PTPRU: variants seen among roughly 807,000 people sequenced by gnomAD.
PTPRU encodes the protein receptor-type tyrosine-protein phosphatase U.
PTPRU carries 69 observed loss-of-function variants against 166.3 expected under a neutral mutation model. The ratio of observed to expected loss-of-function variants is 0.41; its 90% CI spans 0.34 to 0.51. PTPRU has a LOEUF of 0.51. PTPRU is among the 20% of genes least tolerant of loss of function. PTPRU has a pLI of 0.09. For missense variants in PTPRU, 1,657 were observed against 2,013.7 expected (o/e 0.82, Z 3.39); for synonymous variants, 793 against 814.0 (o/e 0.97, Z 0.44).
chr1:29,305,711 C>A, intron 18 of PTPRU: 1 of 591,222 alleles, frequency 1.7e-6, no homozygotes, highest in South Asian at 1.5e-5. Flanking sequence ...GTGAGGAAGG[C>A]GGGAGGCATG....
chr1:29,240,826 G>A (rs1684018278), intron 1 of PTPRU, among the ~76,000 whole-genome samples: 2 of 149,818 alleles, frequency 1.3e-5, no homozygotes, highest in Admixed American at 1.3e-4. Flanking sequence ...TGTTAGGAGA[G>A]GGAGGGAAGC....
Position 29,326,289 on chromosome 1 carries a change from C to A in PTPRU, c.*628C>A. 5.9e-6 allele frequency: 1 copy of A among 168,274 alleles called. No individual in the cohort carries two copies. The allele number at this position is 168,274 out of a possible 1,614,324, so 10.4% of individuals were successfully genotyped here. A position where few individuals can be genotyped will look rare whatever the true frequency, so the allele number is the denominator to read the frequency against. ...TCACTATCCCTCCCCACTTGCTTCC[C>A]TGATATGTGCTCTGAGCTTCCCTGA... On this transcript the variant is annotated 3_prime_UTR_variant, in exon 30 of 30. Coordinates refer to ENST00000373779, the MANE Select transcript of PTPRU (RefSeq NM_133178.4).
In PTPRU at chr1:29,260,848, A is replaced by G. The variant is rs762826676; in HGVS notation, c.1089A>G (p.Gly363=). 1.9e-6 allele frequency: 3 copies of G among 1,607,502 alleles called. No individual in the cohort carries two copies. The highest frequency in any genetic ancestry group is 2.5e-6 in the Non-Finnish European group (3 of 1,177,992). The change falls in exon 7 of 30, where the codon GGA becomes GGG. Residue 363 remains glycine, a synonymous_variant. Transcript: ENST00000373779. The surrounding 1 kb of genome is among the most constrained non-coding windows in gnomAD (Gnocchi z 8.3). ...TCAGCGTGCTGCTCACGCGTCCCGGAGACGGCGGCACTGGCCGCCCTGGGC... is the reference window on the plus strand; with the variant it reads ...TCAGCGTGCTGCTCACGCGTCCCGGGGACGGCGGCACTGGCCGCCCTGGGC... ...YEISVLLTRP[G]DGGTGRPGPP... is the part of the protein sequence containing the mutation.
chr1:29,291,943 G>T lies in PTPRU; in HGVS notation c.2393G>T (p.Arg798Leu). 3 of 1,614,138 alleles carry T rather than the reference G, an allele frequency of 1.9e-6. No homozygotes were observed. Among genetic ancestry groups the T allele is most frequent in the Non-Finnish European group, 2.5e-6 (3 of 1,180,040 alleles). Reference sequence around the variant, plus strand: ...ACACACATGATGAGCGCCGTGGACCGCAGCTTCACAGACCAGAGCACCCTG... The same window carrying T: ...ACACACATGATGAGCGCCGTGGACCTCAGCTTCACAGACCAGAGCACCCTG... ...EKTHMMSAVD[R>L]SFTDQSTLQE... Residue 798 changes from arginine to leucine, a missense_variant, in exon 15 of 30, where the codon CGC (arginine) becomes CTC (leucine). Arg to Leu is a moderately radical substitution (Grantham distance 102). This residue lies in a region of PTPRU where 1,190 missense variants were observed against 1,477.4 expected (regional missense o/e 0.81). Transcript: ENST00000373779. This position sits in a 1 kb window ranked among gnomAD's most constrained non-coding sequence, Gnocchi z 4.1.
chr1:29,298,216 C>CCACTG (rs1686977019), intron 15 of PTPRU, among the ~76,000 whole-genome samples: 1 of 151,430 alleles, frequency 6.6e-6, no homozygotes, highest in Admixed American at 6.6e-5. Flanking sequence ...CGAGATCACT[C>CCACTG]CACTGCACTG....
At chr1:29,248,260 G>T (rs189693806) in intron 1 of PTPRU, among the ~76,000 whole-genome samples, 50 of 152,274 alleles carry the variant, frequency 3.3e-4, no homozygotes, top group African/African-American at 1.1e-3. Flanking sequence ...GGAGGAGGTA[G>T]GGATTAGACA....
rs1358754416 is a variant in PTPRU at position 29,279,028 on chromosome 1, A to T, written c.1470A>T (p.Ala490=). Residue 490 remains alanine, a synonymous_variant, in exon 9 of 30, where the codon GCA becomes GCT. Transcript: ENST00000373779. The surrounding 1 kb of genome is among the most constrained non-coding windows in gnomAD (Gnocchi z 5.2). ...QTDEDVPSGI[A]AESLTFTPLE... Reference sequence around the variant, plus strand: ...CCCTTGCAGTGCCCAGTGGGATTGCAGCCGAGTCCCTGACCTTCACTCCAC... The same window carrying T: ...CCCTTGCAGTGCCCAGTGGGATTGCTGCCGAGTCCCTGACCTTCACTCCAC... 1 of 1,587,732 alleles carries T rather than the reference A, an allele frequency of 6.3e-7. No homozygotes were observed. Among genetic ancestry groups the T allele is most frequent in the East Asian group, 2.3e-5 (1 of 43,500 alleles).
chr1:29,311,736 G>T lies in PTPRU; in HGVS notation c.3049G>T (p.Val1017Leu), dbSNP rs770802288. 6.2e-7 allele frequency: 1 copy of T among 1,614,170 alleles called. No individual in the cohort carries two copies. Among genetic ancestry groups the T allele is most frequent in the East Asian group, 2.2e-5 (1 of 44,886 alleles). Residue 1017 changes from valine to leucine, a missense_variant, in exon 21 of 30, where the codon GTG (valine) becomes TTG (leucine). Coordinates refer to ENST00000373779, the MANE Select transcript of PTPRU (RefSeq NM_133178.4). This position sits in a 1 kb window ranked among gnomAD's most constrained non-coding sequence, Gnocchi z 4.1. ...GACAGAGACCCTGGCTGAGTATGTC[G>T]TGCGCACTTTTGCCCTGGAGCGGGT... ...VKTETLAEYV[V>L]RTFALERRGY... is the part of the protein sequence containing the mutation.
intron 15 of PTPRU, among the ~76,000 whole-genome samples, chr1:29,302,254 A>G (rs962727630): frequency 2.0e-5 from 3 of 152,204 alleles, no homozygotes; most frequent in Non-Finnish European, 4.4e-5. Flanking sequence ...TAGAATAAAG[A>G]TAGAAAATAT....
chr1:29,286,752 C>T (rs938687690), intron 14 of PTPRU, among the ~76,000 whole-genome samples: 24 of 152,156 alleles, frequency 1.6e-4, no homozygotes, highest in African/African-American at 5.5e-4. Context: ...GCACTGGGCC[C>T]AGGACAGGCT....
chr1:29,267,104 C>T (rs1685337386), intron 7 of PTPRU, among the ~76,000 whole-genome samples: 2 of 152,092 alleles, frequency 1.3e-5, no homozygotes, highest in Admixed American at 1.3e-4. Flanking sequence ...GTGGCATGTG[C>T]CTGTAGTCAC....
At position 29,323,619 on chromosome 1, in the gene PTPRU, C is replaced by A; in HGVS notation, c.3955-12C>A. 1 of 1,613,800 alleles carries A rather than the reference C, an allele frequency of 6.2e-7. No individual in the cohort carries two copies. Among genetic ancestry groups the A allele is most frequent in the Non-Finnish European group, 8.5e-7 (1 of 1,179,858 alleles). On this transcript the variant is annotated splice_polypyrimidine_tract_variant and intron_variant, in intron 27 of 29. Coordinates refer to ENST00000373779, the MANE Select transcript of PTPRU (RefSeq NM_133178.4). Reference sequence around the variant, plus strand: ...GCTCATGTCCTCCCTGGCTGGCTGCCCCTGTCCCCAGTTGCAGGAGGGGCA... The same window carrying A: ...GCTCATGTCCTCCCTGGCTGGCTGCACCTGTCCCCAGTTGCAGGAGGGGCA...
chr1:29,300,811 C>T (rs1266215720), intron 15 of PTPRU, among the ~76,000 whole-genome samples: 1 of 152,232 alleles, frequency 6.6e-6, no homozygotes, highest in Non-Finnish European at 1.5e-5. Flanking sequence ...CACAATGGGG[C>T]AGCCTCCCTG....
Position 29,260,745 on chromosome 1 carries a change from G to A in PTPRU, c.986G>A (p.Gly329Glu). 1 of 1,611,662 alleles carries A rather than the reference G, an allele frequency of 6.2e-7. No individual in the cohort carries two copies. The highest frequency in any genetic ancestry group is 8.5e-7 in the Non-Finnish European group (1 of 1,178,992). The change falls in exon 7 of 30, where the codon GGG becomes GAG. Residue 329 changes from glycine to glutamate, a missense_variant. Physicochemically the swap from Gly to Glu is moderately conservative, Grantham distance 98. This residue lies in a region of PTPRU where 453 missense variants were observed against 496.9 expected (regional missense o/e 0.91). Coordinates refer to ENST00000373779, the MANE Select transcript of PTPRU (RefSeq NM_133178.4). The surrounding 1 kb of genome is among the most constrained non-coding windows in gnomAD (Gnocchi z 8.3). Reference protein sequence around the residue: ...RKEIEYRMARGPWAEVHAVSL... With the variant: ...RKEIEYRMAREPWAEVHAVSL... ...GAGATTGAGTACCGCATGGCGCGCGGGCCCTGGGCTGAGGTGCACGCCGTC... is the reference window on the plus strand; with the variant it reads ...GAGATTGAGTACCGCATGGCGCGCGAGCCCTGGGCTGAGGTGCACGCCGTC...
Position 29,236,522 on chromosome 1 carries a change from A to T in PTPRU, c.-123A>T. ...CGGCTCGCGCTCTGGACTCGGCGCC[A>T]GTCCCGCTCCGCGCCGCGCCGCTCC... On this transcript the variant is annotated 5_prime_UTR_variant, in exon 1 of 30. Transcript: ENST00000373779. The surrounding 1 kb of genome is among the most constrained non-coding windows in gnomAD (Gnocchi z 4.6). The T allele has an allele frequency of 1.4e-6, 1 of 719,946 alleles. No individual in the cohort carries two copies. Among genetic ancestry groups the T allele is most frequent in the Non-Finnish European group, 1.8e-6 (1 of 561,940 alleles). 44.6% of individuals were successfully genotyped at this position (719,946 alleles called of 1,614,324 possible).
chr1:29,269,824 C>T (rs1420944863), intron 7 of PTPRU, among the ~76,000 whole-genome samples: 1 of 152,264 alleles, frequency 6.6e-6, no homozygotes, highest in African/African-American at 2.4e-5. Flanking sequence ...CATATGCCTG[C>T]AGTAGACATT....
In PTPRU at chr1:29,279,024, T is replaced by C. The variant is rs1685939465; in HGVS notation, c.1466T>C (p.Ile489Thr). Residue 489 changes from isoleucine (I) to threonine (T), a missense_variant, in exon 9 of 30, where the codon ATT (isoleucine) becomes ACT (threonine). This residue lies in a region of PTPRU where 1,190 missense variants were observed against 1,477.4 expected (regional missense o/e 0.81). Transcript: ENST00000373779. This position sits in a 1 kb window ranked among gnomAD's most constrained non-coding sequence, Gnocchi z 5.2. ...FQTDEDVPSG[I>T]AAESLTFTPL... The stretch of plus-strand genomic sequence containing the variant: ...CTTTCCCTTGCAGTGCCCAGTGGGA[T>C]TGCAGCCGAGTCCCTGACCTTCACT... 1 of 1,585,158 alleles carries C rather than the reference T, an allele frequency of 6.3e-7. No individual in the cohort carries two copies. The highest frequency in any genetic ancestry group is 1.3e-5 in the African/African-American group (1 of 74,264).
rs1684983677 is a variant in PTPRU, at chr1:29,260,104, C to CG, written c.850+65dup. 3.3e-6 allele frequency: 2 copies of CG among 605,682 alleles called. No individual in the cohort carries two copies. The highest frequency in any genetic ancestry group is 7.8e-5 in the East Asian group (1 of 12,848). 37.5% of individuals were successfully genotyped at this position (605,682 alleles called of 1,614,324 possible). A position where few individuals can be genotyped will look rare whatever the true frequency, so the allele number is the denominator to read the frequency against. Reference sequence around the variant, plus strand: ...CACCCTCGAGGGGCGGGGCCGGCGACGGGGGCGGGCTCTGCCCGGGGGCGT... The same window carrying CG: ...CACCCTCGAGGGGCGGGGCCGGCGACGGGGGGCGGGCTCTGCCCGGGGGCGT... On this transcript the variant is annotated intron_variant, in intron 6 of 29. Coordinates refer to ENST00000373779, the MANE Select transcript of PTPRU (RefSeq NM_133178.4). This position sits in a 1 kb window ranked among gnomAD's most constrained non-coding sequence, Gnocchi z 8.3.
rs372440177 is a variant in PTPRU, at chr1:29,296,790, G to A, written c.2476+4764G>A. Among the ~76,000 whole-genome samples the A allele has an allele frequency of 3.9e-4, 59 of 151,488 alleles. No individual in the cohort carries two copies. In the East Asian group the frequency reaches 8.1e-3, roughly 21 times the overall value. On this transcript the variant is annotated intron_variant, in intron 15 of 29. Coordinates refer to ENST00000373779, the MANE Select transcript of PTPRU (RefSeq NM_133178.4). ...ACTTGTCTTTGCCTCTCAAAGTGCT[G>A]GGATTACAGGTGTGAGCCACCGTGT...
Sources: allele counts gnomAD v4.1 joint callset (sites outside exome capture counted in the v4.1 genomes callset), GRCh38; gene constraint gnomAD v4.1.1; regional missense constraint gnomAD v4.1.1; non-coding constraint Gnocchi (gnomAD v3.1); transcripts MANE v1.5; gene names NCBI Gene and HGNC (gene_info 2026-07-23, HGNC 2026-07-21).